Variants in STK11 observed in about 807,000 individuals in gnomAD.
STK11 encodes the protein serine/threonine kinase 11.
STK11 carries 8 observed loss-of-function variants against 47.3 expected under a neutral mutation model. That is an observed-to-expected ratio of 0.17 (90% CI 0.10 to 0.31). The LOEUF is 0.31. STK11 is among the 10% of genes least tolerant of loss of function. The probability of loss-of-function intolerance (pLI) is 1.00; values close to 1 mark genes in which losing one functional copy is unlikely to be tolerated. For missense variants in STK11, 475 were observed against 605.0 expected (o/e 0.79, Z 2.25); for synonymous variants, 330 against 255.8 (o/e 1.29, Z -2.77).
chr19:1,217,076 C>T (rs898688203), intron 1 of STK11, among the ~76,000 whole-genome samples: 3 of 151,892 alleles, frequency 2.0e-5, no homozygotes, highest in Non-Finnish European at 2.9e-5. Context: ...TTCTGCGTGG[C>T]GTGTACTGTT....
Position 1,206,434 on chromosome 19 carries a change from G to C in STK11, c.-480G>C, listed in dbSNP as rs1228413600. ...CGAAGTTGGGCTCTCCAGGTGTGGG[G>C]GTCCCGGGGGGTAGCGACGTCGCGG... is the stretch of plus-strand genomic sequence containing the variant. On this transcript the variant is annotated 5_prime_UTR_variant, in exon 1 of 10. Coordinates refer to ENST00000326873, the MANE Select transcript of STK11 (RefSeq NM_000455.5). The C allele has an allele frequency of 4.2e-6, 1 of 236,978 alleles. No individual in the cohort carries two copies. The highest frequency in any genetic ancestry group is 8.3e-6 in the Non-Finnish European group (1 of 120,632). 14.7% of individuals were successfully genotyped at this position (236,978 alleles called of 1,614,324 possible). A position where few individuals can be genotyped will look rare whatever the true frequency, so the allele number is the denominator to read the frequency against.
At chr19:1,217,489 A>ACAGGG (rs2080752057) in intron 1 of STK11, among the ~76,000 whole-genome samples, 1 of 152,144 alleles carries the variant, frequency 6.6e-6, no homozygotes, top group African/African-American at 2.4e-5. Context: ...AGTGTCTGCG[A>ACAGGG]CAGGGCGGCA....
rs587782059 is a variant in STK11, at chr19:1,226,583, C to G, written c.1238C>G (p.Pro413Arg). ...KSRAEGRAPN[P>R]ARKACSASSK... ...AGGGCGGAGGGCCGGGCCCCCAACC[C>G]TGCCCGCAAGGCCTGCTCCGCCAGC... Residue 413 changes from proline to arginine, a missense_variant, in exon 9 of 10, where the codon CCT (proline) becomes CGT (arginine). Transcript: ENST00000326873. 6.3e-7 allele frequency: 1 copy of G among 1,578,144 alleles called. No individual in the cohort carries two copies. The highest frequency in any genetic ancestry group is 2.3e-5 in the East Asian group (1 of 42,606).
intron 6 of STK11, chr19:1,221,737 C>T (rs769583307): frequency 1.3e-4 from 82 of 625,510 alleles, no homozygotes; most frequent in African/African-American, 2.0e-4. Context: ...TCCAGCCCAG[C>T]CCTGTCTCCC....
Position 1,227,818 on chromosome 19 carries a change from C to T in STK11, c.*242C>T, listed in dbSNP as rs113161978. 291 of 1,071,888 alleles carry T rather than the reference C, an allele frequency of 2.7e-4. No homozygotes were observed. The African/African-American group carries it at 3.2e-3, about 12-fold the overall frequency. 66.4% of individuals were successfully genotyped at this position (1,071,888 alleles called of 1,614,324 possible). Reference sequence around the variant, plus strand: ...GGCTTGTTGACTTCGCAGCCCCGGGCGGAGCCTTCCCGGGCGGGCGTGGGA... The same window carrying T: ...GGCTTGTTGACTTCGCAGCCCCGGGTGGAGCCTTCCCGGGCGGGCGTGGGA... On this transcript the variant is annotated 3_prime_UTR_variant, in exon 10 of 10. Coordinates refer to ENST00000326873, the MANE Select transcript of STK11 (RefSeq NM_000455.5).
chr19:1,226,272 G>T, intron 8 of STK11, 182 bp from the exon 9 acceptor site: 1 of 1,432,090 alleles, frequency 7.0e-7, no homozygotes, highest in Non-Finnish European at 9.2e-7. Context: ...CAGCCCCGGG[G>T]GGTGCCTCCC....
intron 3 of STK11, chr19:1,220,162 C>A: frequency 3.5e-6 from 2 of 574,998 alleles, no homozygotes; most frequent in Non-Finnish European, 5.9e-6. Context: ...CGGGGCCCTG[C>A]CAGACGTGGC....
At chr19:1,222,051 C>T (rs755254584) in intron 7 of STK11, 45 bp downstream of exon 7, 66 of 1,549,142 alleles carry the variant, frequency 4.3e-5, no homozygotes, top group South Asian at 1.5e-4. Context: ...GCAGGGAGGC[C>T]GGCCATGTGG....
chr19:1,226,717 C>T (rs2080825659), intron 9 of STK11, 54 bp downstream of exon 9: 1 of 1,441,980 alleles, frequency 6.9e-7, no homozygotes, highest in South Asian at 1.5e-5. Context: ...CTGGATGCCA[C>T]AGCCAGCCGT....
intron 1 of STK11, among the ~76,000 whole-genome samples, chr19:1,217,791 C>T (rs1376416204): frequency 6.6e-6 from 1 of 152,228 alleles, no homozygotes; most frequent in African/African-American, 2.4e-5. Context: ...GGCTCCAACT[C>T]ACCCTGGCTC....
In STK11 at chr19:1,221,883, C is replaced by T. The variant is rs1042510598; in HGVS notation, c.863-66C>T. The T allele has an allele frequency of 2.9e-5, 44 of 1,530,182 alleles. No individual in the cohort carries two copies. In the Admixed American group the frequency reaches 4.3e-4, roughly 15 times the overall value. 94.8% of individuals were successfully genotyped at this position (1,530,182 alleles called of 1,614,324 possible). ...GGCCTGACAACAGAGGCTGGGCAGG[C>T]GGGGACGGTTGGTGGGGTCTCAGGC... On this transcript the variant is annotated intron_variant, in intron 6 of 9. Transcript: ENST00000326873.
At position 1,213,394 on chromosome 19, in the gene STK11, C is replaced by A. The variant is rs555623487; in HGVS notation, c.291-5023C>A. On this transcript the variant is annotated intron_variant, in intron 1 of 9. Coordinates refer to ENST00000326873, the MANE Select transcript of STK11 (RefSeq NM_000455.5). ...ATCAGCTTCCAGAACATTCTTGTTACCCCAGAAGGAAACCCCGTCTCTGTC... is the reference window on the plus strand; with the variant it reads ...ATCAGCTTCCAGAACATTCTTGTTAACCCAGAAGGAAACCCCGTCTCTGTC... Among the ~76,000 whole-genome samples, 4 of 152,298 alleles carry A rather than the reference C, an allele frequency of 2.6e-5. No homozygotes were observed. The South Asian group carries it at 6.2e-4, about 24-fold the overall frequency.
Position 1,211,546 on chromosome 19 carries a change from C to CA in STK11, c.290+4343_290+4344insA, listed in dbSNP as rs771162545. ...AGTGGGCTCGAAGGCAGGGAGTCTG[C>CA]CCGCCTTGTGGAGCCTCCGCAGAGG... On this transcript the variant is annotated intron_variant, in intron 1 of 9. Coordinates refer to ENST00000326873, the MANE Select transcript of STK11 (RefSeq NM_000455.5). Among the ~76,000 whole-genome samples the CA allele has an allele frequency of 9.5e-3, 1,440 of 152,340 alleles. 3 individuals carry two copies. The highest frequency in any genetic ancestry group is 0.015 in the Non-Finnish European group (998 of 68,038).
intron 1 of STK11, among the ~76,000 whole-genome samples, chr19:1,215,537 G>T (rs1262119936): frequency 6.6e-6 from 1 of 152,188 alleles, no homozygotes; most frequent in Non-Finnish European, 1.5e-5. Flanking sequence ...CCAGACTGGC[G>T]GCCCCTTGTC....
At chr19:1,223,793 C>T (rs2080802595) in intron 8 of STK11, 2 of 1,035,522 alleles carry the variant, frequency 1.9e-6, no homozygotes, top group Non-Finnish European at 1.2e-6. Context: ...CCCACATTGG[C>T]AGCCAGCCCC....
In STK11 at chr19:1,226,521, G is replaced by A. The variant is rs746930791; in HGVS notation, c.1176G>A (p.Met392Ile). Residue 392 changes from methionine (M) to isoleucine (I), a missense_variant, in exon 9 of 10, where the codon ATG (methionine) becomes ATA (isoleucine). Coordinates refer to ENST00000326873, the MANE Select transcript of STK11 (RefSeq NM_000455.5). The part of the protein sequence containing the change: ...QRRGLPKAVC[M>I]NGTEAAQLST... ...GGGGCCTCCCCAAGGCCGTGTGTAT[G>A]AACGGCACAGAGGCGGCGCAGCTGA... The A allele has an allele frequency of 8.1e-6, 13 of 1,609,532 alleles. No individual in the cohort carries two copies. The South Asian group carries it at 1.4e-4, about 18-fold the overall frequency.
intron 1 of STK11, among the ~76,000 whole-genome samples, chr19:1,213,506 C>T (rs777592324): frequency 4.6e-5 from 7 of 152,222 alleles, no homozygotes; most frequent in Non-Finnish European, 7.3e-5. Flanking sequence ...ACATTTCACA[C>T]GAGTGGTGTC....
intron 6 of STK11, 180 bp downstream of exon 6, chr19:1,221,520 C>T (rs991676971): frequency 1.0e-6 from 1 of 973,664 alleles, no homozygotes; most frequent in East Asian, 2.7e-5. Context: ...TCAGCTCCAC[C>T]CTGCTTCTGG....
At chr19:1,215,432 T>A (rs943553526) in intron 1 of STK11, among the ~76,000 whole-genome samples, 5 of 152,202 alleles carry the variant, frequency 3.3e-5, no homozygotes, top group African/African-American at 9.6e-5. Context: ...CCGGAACCAG[T>A]TGCTCACTGG....
Sources: allele counts gnomAD v4.1 joint callset (sites outside exome capture counted in the v4.1 genomes callset), GRCh38; gene constraint gnomAD v4.1.1; transcripts MANE v1.5; gene names NCBI Gene and HGNC (gene_info 2026-07-23, HGNC 2026-07-21).